The following PCDH15 variants were observed in gnomAD, a reference collection of about 807,000 sequenced individuals.
PCDH15 encodes the protein protocadherin related 15.
PCDH15 carries 129 observed loss-of-function variants against 178.5 expected under a neutral mutation model. The ratio of observed to expected loss-of-function variants is 0.72; its 90% confidence interval spans 0.63 to 0.84. The LOEUF (loss-of-function observed/expected upper bound fraction) is 0.84. Ranked by LOEUF, PCDH15 falls within the 40% of genes least tolerant of loss-of-function variation. PCDH15 has a pLI of 0.00. For missense variants in PCDH15, 2,230 were observed against 2,099.9 expected (o/e 1.06, Z -1.21); for synonymous variants, 800 against 732.0 (o/e 1.09, Z -1.50).
chr10:54,153,258 C>T lies in PCDH15; in HGVS notation c.1626G>A (p.Gly542=), dbSNP rs755230302. Residue 542 remains glycine, a synonymous_variant, in exon 14 of 38, where the codon GGG becomes GGA. Coordinates refer to ENST00000644397, the MANE Select transcript of PCDH15 (RefSeq NM_001384140.1). ...TAVDADEGSN[G]EITYEILVGA... is the part of the protein sequence containing the mutation. ...CAACAAGGATTTCATATGTGATCTC[C>T]CCATTTGACCCTTCGTCTGCGTCGA... The T allele has an allele frequency of 1.9e-6, 3 of 1,613,740 alleles. No individual in the cohort carries two copies. Among genetic ancestry groups the T allele is most frequent in the Non-Finnish European group, 2.5e-6 (3 of 1,179,840 alleles).
At chr10:55,333,768 C>T (rs375052891) in intron 2 of PCDH15, among the ~76,000 whole-genome samples, 3 of 151,512 alleles carry the variant, frequency 2.0e-5, no homozygotes, top group South Asian at 4.2e-4. Context: ...CATGTCAGTG[C>T]CGGTTACATA....
At chr10:54,917,911 C>G (rs906199199) in intron 2 of PCDH15, among the ~76,000 whole-genome samples, 1 of 150,652 alleles carries the variant, frequency 6.6e-6, no homozygotes, top group Non-Finnish European at 1.5e-5. Context: ...TACTAATTAT[C>G]TCAGTACACA....
chr10:54,535,062 A>G (rs566156937), intron 2 of PCDH15, among the ~76,000 whole-genome samples: 1 of 152,346 alleles, frequency 6.6e-6, no homozygotes, highest in Non-Finnish European at 1.5e-5. Context: ...ATTCAAGAAC[A>G]GGATATGCTA....
chr10:54,648,735 T>TA, intron 2 of PCDH15, among the ~76,000 whole-genome samples: 1 of 152,288 alleles, frequency 6.6e-6, no homozygotes, highest in East Asian at 1.9e-4. Flanking sequence ...AGGTATTACA[T>TA]AATGCTTGCT....
chr10:54,118,778 A>T (rs924951384), intron 15 of PCDH15, among the ~76,000 whole-genome samples: 16 of 150,724 alleles, frequency 1.1e-4, no homozygotes, highest in East Asian at 5.8e-4. Flanking sequence ...TTTTATTTTT[A>T]TTTTTTTTTG....
chr10:55,375,108 G>A (rs985867714), intron 2 of PCDH15, among the ~76,000 whole-genome samples: 6 of 152,082 alleles, frequency 3.9e-5, no homozygotes, highest in African/African-American at 1.4e-4. Flanking sequence ...ACAGACAAAT[G>A]ACCTCTTTTG....
At chr10:55,296,586 G>A (rs1245545789) in intron 1 of PCDH15, among the ~76,000 whole-genome samples, 2 of 152,182 alleles carry the variant, frequency 1.3e-5, no homozygotes, top group African/African-American at 2.4e-5. Flanking sequence ...TATTCAGGAA[G>A]TTATAAGGGT....
intron 3 of PCDH15, among the ~76,000 whole-genome samples, chr10:54,490,556 GTCC>G (rs1348686316): frequency 6.6e-6 from 1 of 151,828 alleles, no homozygotes; most frequent in Non-Finnish European, 1.5e-5. Flanking sequence ...CATATGATAT[GTCC>G]TCAAGTTTAT....
At position 53,834,447 on chromosome 10, in the gene PCDH15, C is replaced by T. The variant is rs533349444; in HGVS notation, c.3984-2914G>A. Among the ~76,000 whole-genome samples, 141 of 151,326 alleles carry T rather than the reference C, an allele frequency of 9.3e-4. 1 individual carries two copies. The highest frequency in any genetic ancestry group is 2.4e-3 in the African/African-American group (99 of 41,290). ...GTTTTTTAGTATTTATTGCTGATCC[C>T]GTTTTTCCACTGCTTACTTATCCTA... On this transcript the variant is annotated intron_variant, in intron 29 of 37. Transcript: ENST00000644397.
At chr10:55,361,767 C>G (rs138043914) in intron 2 of PCDH15, among the ~76,000 whole-genome samples, 2 of 152,042 alleles carry the variant, frequency 1.3e-5, no homozygotes, top group East Asian at 1.9e-4. Context: ...ATCTTTCAAG[C>G]CTTACTATCA....
intron 1 of PCDH15, among the ~76,000 whole-genome samples, chr10:54,675,206 T>A (rs981401585): frequency 3.3e-5 from 5 of 152,054 alleles, no homozygotes; most frequent in African/African-American, 1.2e-4. Context: ...TAATATTGTA[T>A]CCTATTAAAA....
At chr10:54,052,326 G>A (rs1319260743) in intron 18 of PCDH15, among the ~76,000 whole-genome samples, 1 of 152,186 alleles carries the variant, frequency 6.6e-6, no homozygotes, top group Non-Finnish European at 1.5e-5. Context: ...GAGGGGGGCT[G>A]TACCCGCCAA....
chr10:54,420,832 C>G (rs1019504748), intron 3 of PCDH15, among the ~76,000 whole-genome samples: 2 of 151,886 alleles, frequency 1.3e-5, no homozygotes, highest in African/African-American at 4.8e-5. Context: ...GTATTTTTTT[C>G]TAATAAATAT....
At chr10:54,706,996 T>A (rs1189404903) in intron 1 of PCDH15, among the ~76,000 whole-genome samples, 1 of 152,204 alleles carries the variant, frequency 6.6e-6, no homozygotes, top group East Asian at 1.9e-4. Flanking sequence ...ATCTTCATGA[T>A]GTTATACAGA....
chr10:55,367,132 C>G (rs1418623393), intron 2 of PCDH15, among the ~76,000 whole-genome samples: 2 of 151,900 alleles, frequency 1.3e-5, no homozygotes, highest in African/African-American at 2.4e-5. Flanking sequence ...CCTCTTCTTC[C>G]TTCCCTCTCC....
chr10:53,995,223 C>A, intron 21 of PCDH15: 2 of 171,466 alleles, frequency 1.2e-5, no homozygotes, highest in Non-Finnish European at 2.5e-5. Context: ...CAATCTTAAG[C>A]TTTTTAATTT....
chr10:54,022,267 G>C (rs938706380), intron 19 of PCDH15, among the ~76,000 whole-genome samples: 1 of 151,988 alleles, frequency 6.6e-6, no homozygotes, highest in Non-Finnish European at 1.5e-5. Context: ...ACTTAAAAAA[G>C]AGGCTTGATA....
At chr10:54,659,646 CA>C (rs1220386393) in intron 2 of PCDH15, among the ~76,000 whole-genome samples, 1 of 151,434 alleles carries the variant, frequency 6.6e-6, no homozygotes, top group African/African-American at 2.4e-5. Flanking sequence ...CCCAGCTACT[CA>C]GGAAACTGAG....
At chr10:54,323,501 T>C (rs925193623) in intron 7 of PCDH15, among the ~76,000 whole-genome samples, 1 of 152,136 alleles carries the variant, frequency 6.6e-6, no homozygotes, top group African/African-American at 2.4e-5. Flanking sequence ...AAAGAAAATG[T>C]GGTGCATATA....
Sources: gnomAD v4.1 joint callset for allele counts (sites outside exome capture counted in the v4.1 genomes callset) on GRCh38, gnomAD v4.1.1 for gene constraint, MANE v1.5 for transcripts, NCBI Gene and HGNC (gene_info 2026-07-23, HGNC 2026-07-21) for gene names.